The following MAP3K13 variants were observed in gnomAD, a reference collection of about 807,000 sequenced individuals.
MAP3K13 encodes the protein leucine zipper-bearing kinase.
In MAP3K13, 52 loss-of-function variants were observed where a neutral mutation model predicts 104.0. The ratio of observed to expected loss-of-function variants is 0.50; its 90% confidence interval spans 0.40 to 0.63. MAP3K13 has a LOEUF of 0.63. Among genes scored for constraint, MAP3K13 ranks in the 20% least tolerant of loss-of-function variants. The pLI is 0.00. For synonymous variants in MAP3K13, 394 were observed against 442.2 expected, an observed-to-expected ratio of 0.89 and a Z score of 1.37; for missense variants, 914 against 1,218.5, an observed-to-expected ratio of 0.75 and a Z score of 3.72.
rs1717463229 is a variant in MAP3K13, at chr3:185,466,845, A to G, written c.1525A>G (p.Lys509Glu). Residue 509 changes from lysine to glutamate, a missense_variant, in exon 10 of 14, where the codon AAG becomes GAG. By Grantham distance (56) the Lys-to-Glu change is moderately conservative (BLOSUM62 1). Coordinates refer to ENST00000265026, the MANE Select transcript of MAP3K13 (RefSeq NM_004721.5). The stretch of plus-strand genomic sequence containing the variant: ...CTGCAGGCGTGAGCAAGCAGTGGAA[A>G]AGAAGTATCCTGGGACCTACAAACG... ...ELIKREQAVE[K>E]KYPGTYKRHP... is the part of the protein sequence containing the mutation. 2 of 1,613,900 alleles carry G rather than the reference A, an allele frequency of 1.2e-6. No individual in the cohort carries two copies. Among genetic ancestry groups the G allele is most frequent in the Admixed American group, 1.7e-5 (1 of 60,006 alleles).
At chr3:185,320,328 A>G (rs1721813373) in intron 2 of MAP3K13, among the ~76,000 whole-genome samples, 1 of 151,954 alleles carries the variant, frequency 6.6e-6, no homozygotes, top group South Asian at 2.1e-4. Flanking sequence ...TGATCCACCC[A>G]CCTCAGCCTC....
upstream of MAP3K13, chr3:185,363,116 C>G (rs1038286765): frequency 8.6e-5 from 85 of 984,632 alleles, no homozygotes; most frequent in Non-Finnish European, 1.0e-4. Flanking sequence ...TACTCTGGAC[C>G]CGCCCCTCTT....
chr3:185,410,778 T>C (rs906553845), intron 1 of MAP3K13, among the ~76,000 whole-genome samples: 1 of 151,746 alleles, frequency 6.6e-6, no homozygotes, highest in African/African-American at 2.4e-5. Flanking sequence ...CTACTGAAAA[T>C]ACAAAAATTA....
At chr3:185,436,266 C>T (rs1715024690) in intron 2 of MAP3K13, among the ~76,000 whole-genome samples, 1 of 152,044 alleles carries the variant, frequency 6.6e-6, no homozygotes. Context: ...ATAATGCCAC[C>T]ACTTAGAAAT....
Position 185,428,599 on chromosome 3 carries a change from G to T in MAP3K13, c.18G>T (p.Glu6Asp). The T allele has an allele frequency of 6.3e-7, 1 of 1,591,886 alleles. No individual in the cohort carries two copies. Among genetic ancestry groups the T allele is most frequent in the Non-Finnish European group, 8.6e-7 (1 of 1,166,918 alleles). MANFQEHLSCSSSPHL... is the reference protein window; with the variant it reads MANFQDHLSCSSSPHL... ...ATGGCACGATGGCCAACTTTCAGGA[G>T]CACCTGAGCTGCTCCTCTTCTCCAC... Residue 6 changes from glutamate to aspartate, a missense_variant, in exon 2 of 14, where the codon GAG (glutamate) becomes GAT (aspartate). Glu to Asp is a conservative substitution (Grantham distance 45). This residue lies in a region of MAP3K13 where 156 missense variants were observed against 159.8 expected (regional missense o/e 0.98). Coordinates refer to ENST00000265026, the MANE Select transcript of MAP3K13 (RefSeq NM_004721.5).
intron 1 of MAP3K13, among the ~76,000 whole-genome samples, chr3:185,369,110 C>T (rs963248228): frequency 2.6e-5 from 4 of 152,152 alleles, no homozygotes; most frequent in African/African-American, 7.2e-5. Context: ...AATTGTTGCC[C>T]TCTTGGAACT....
chr3:185,475,180 T>A (rs1420641714), intron 11 of MAP3K13, among the ~76,000 whole-genome samples: 3 of 152,076 alleles, frequency 2.0e-5, no homozygotes, highest in African/African-American at 7.2e-5. Context: ...GGCCTAATAT[T>A]GGACTCTGCC....
chr3:185,300,194 T>C (rs891877335), intron 2 of MAP3K13, among the ~76,000 whole-genome samples: 15 of 150,808 alleles, frequency 9.9e-5, no homozygotes, highest in Non-Finnish European at 1.5e-4. Context: ...CTTTTCTTTT[T>C]TTTTTTTTTT....
chr3:185,411,229 A>G (rs1489056110), intron 1 of MAP3K13, among the ~76,000 whole-genome samples: 1 of 152,226 alleles, frequency 6.6e-6, no homozygotes, highest in Non-Finnish European at 1.5e-5. Flanking sequence ...ATTTGCAATC[A>G]GTTATTTAGA....
At chr3:185,383,661 A>G (rs1456801991) in intron 1 of MAP3K13, among the ~76,000 whole-genome samples, 3 of 151,904 alleles carry the variant, frequency 2.0e-5, no homozygotes, top group Non-Finnish European at 4.4e-5. Flanking sequence ...ACCATCTGCC[A>G]TAAGTGGAAG....
chr3:185,473,624 C>A lies in MAP3K13; in HGVS notation c.2293C>A (p.Pro765Thr), dbSNP rs751812061. 3.1e-6 allele frequency: 5 copies of A among 1,614,092 alleles called. No homozygotes were observed. Among genetic ancestry groups the A allele is most frequent in the South Asian group, 1.1e-5 (1 of 91,090 alleles). The change falls in exon 11 of 14, where the codon CCT becomes ACT. Residue 765 changes from proline (P) to threonine (T), a missense_variant. Coordinates refer to ENST00000265026, the MANE Select transcript of MAP3K13 (RefSeq NM_004721.5). This position sits in a 1 kb window ranked among gnomAD's most constrained non-coding sequence, Gnocchi z 4.9. ...CCTTTCCAAGTCACCAGCACATAAT[C>A]CTCTCTTGGAAAACGCCCAGAGTTC... ...PDLSKSPAHN[P>T]LLENAQSSEK...
intron 1 of MAP3K13, among the ~76,000 whole-genome samples, chr3:185,374,303 A>C (rs1206588693): frequency 6.6e-6 from 1 of 152,006 alleles, no homozygotes; most frequent in Middle Eastern, 3.2e-3. Context: ...GGTGGCGAAA[A>C]TTTTTGGGGG....
Position 185,428,524 on chromosome 3 carries a change from C to G in MAP3K13, c.-58C>G, listed in dbSNP as rs554058464. ...TTTGGAGCCCTCTCTTAAGTCAGAACTCTGTCCCAAAAATCTTCTGAGTGT... is the reference window on the plus strand; with the variant it reads ...TTTGGAGCCCTCTCTTAAGTCAGAAGTCTGTCCCAAAAATCTTCTGAGTGT... On this transcript the variant is annotated 5_prime_UTR_variant, in exon 2 of 14. Coordinates refer to ENST00000265026, the MANE Select transcript of MAP3K13 (RefSeq NM_004721.5). 6.6e-7 allele frequency: 1 copy of G among 1,516,174 alleles called. No individual in the cohort carries two copies. Among genetic ancestry groups the G allele is most frequent in the African/African-American group, 1.4e-5 (1 of 71,912 alleles). 93.9% of individuals were successfully genotyped at this position (1,516,174 alleles called of 1,614,324 possible). A position where few individuals can be genotyped will look rare whatever the true frequency, so the allele number is the denominator to read the frequency against.
At chr3:185,352,737 C>T (rs1298023440) in intron 2 of MAP3K13, among the ~76,000 whole-genome samples, 2 of 152,142 alleles carry the variant, frequency 1.3e-5, no homozygotes, top group African/African-American at 2.4e-5. Context: ...TATTGATGTT[C>T]AGAGTATCTA....
intron 2 of MAP3K13, among the ~76,000 whole-genome samples, chr3:185,345,942 G>A (rs1722905912): frequency 6.6e-6 from 1 of 151,866 alleles, no homozygotes; most frequent in Admixed American, 6.6e-5. Context: ...TCATTTTCAG[G>A]CTATCTTGCT....
chr3:185,418,626 G>A lies in MAP3K13; in HGVS notation c.-85-9871G>A. 1 of 1,612,078 alleles carries A rather than the reference G, an allele frequency of 6.2e-7. No homozygotes were observed. The highest frequency in any genetic ancestry group is 8.5e-7 in the Non-Finnish European group (1 of 1,179,480). On this transcript the variant is annotated intron_variant, in intron 1 of 13. Transcript: ENST00000265026. The surrounding 1 kb of genome is among the most constrained non-coding windows in gnomAD (Gnocchi z 4.5). ...GACCTGCTAATTCACTGGCAGCGTAGGGCTGTCTGTTGTTTTTGCGCAAGT... is the reference window on the plus strand; with the variant it reads ...GACCTGCTAATTCACTGGCAGCGTAAGGCTGTCTGTTGTTTTTGCGCAAGT...
intron 4 of MAP3K13, among the ~76,000 whole-genome samples, chr3:185,447,072 T>C (rs974669918): frequency 1.2e-4 from 18 of 152,144 alleles, no homozygotes; most frequent in African/African-American, 4.3e-4. Flanking sequence ...CAAAATGGGA[T>C]GAAGAAAGTG....
At chr3:185,302,003 ATGT>A (rs1721124940) in intron 2 of MAP3K13, among the ~76,000 whole-genome samples, 1 of 152,116 alleles carries the variant, frequency 6.6e-6, no homozygotes, top group Admixed American at 6.6e-5. Flanking sequence ...TTCTGCAAAA[ATGT>A]TGTTAGGATT....
At chr3:185,290,079 A>G (rs1405472964) in intron 2 of MAP3K13, among the ~76,000 whole-genome samples, 1 of 152,194 alleles carries the variant, frequency 6.6e-6, no homozygotes, top group Non-Finnish European at 1.5e-5. Context: ...AATAGCTATT[A>G]TTATTATTTC....
Sources: allele counts gnomAD v4.1 joint callset (sites outside exome capture counted in the v4.1 genomes callset), GRCh38; gene constraint gnomAD v4.1.1; regional missense constraint gnomAD v4.1.1; non-coding constraint Gnocchi (gnomAD v3.1); transcripts MANE v1.5; gene names NCBI Gene and HGNC (gene_info 2026-07-23, HGNC 2026-07-21).